The following SLC35F1 variants were observed in gnomAD, a reference collection of about 807,000 sequenced individuals.
SLC35F1 encodes the protein chromosome 6 open reading frame 169.
Under a neutral mutation model 48.7 loss-of-function variants are expected in SLC35F1, and 14 were observed. The ratio of observed to expected loss-of-function variants is 0.29; its 90% CI spans 0.19 to 0.45. The LOEUF (loss-of-function observed/expected upper bound fraction) is 0.45, where lower values mean the gene tolerates loss of function less well. Among genes scored for constraint, SLC35F1 ranks in the 20% least tolerant of loss-of-function variants. The pLI is 1.00. For missense variants in SLC35F1, 404 were observed against 500.0 expected, an observed-to-expected ratio of 0.81 and a Z score of 1.83; for synonymous variants, 190 against 202.2, an observed-to-expected ratio of 0.94 and a Z score of 0.51.
chr6:117,938,566 G>T (rs910298786), intron 1 of SLC35F1, among the ~76,000 whole-genome samples: 2 of 152,208 alleles, frequency 1.3e-5, no homozygotes, highest in African/African-American at 4.8e-5. Flanking sequence ...AGGAGGGGCG[G>T]ATTCCTGCTG....
intron 4 of SLC35F1, among the ~76,000 whole-genome samples, chr6:118,268,630 G>GTTTTT (rs1319585468): frequency 1.6e-4 from 13 of 80,280 alleles, no homozygotes; most frequent in Admixed American, 3.7e-4. Context: ...TTTTTTTTGA[G>GTTTTT]ACAGAGTCCC....
At chr6:117,932,163 C>T (rs532751421) in intron 1 of SLC35F1, among the ~76,000 whole-genome samples, 411 of 152,282 alleles carry the variant, frequency 2.7e-3, no homozygotes, top group Non-Finnish European at 3.8e-3. Context: ...AATGCACCAT[C>T]TTGGAAGCAG....
chr6:117,961,140 A>G (rs892685599), intron 1 of SLC35F1, among the ~76,000 whole-genome samples: 1 of 152,090 alleles, frequency 6.6e-6, no homozygotes, highest in African/African-American at 2.4e-5. Flanking sequence ...CTTTTTTTCT[A>G]TCCTCAGTAC....
intron 2 of SLC35F1, among the ~76,000 whole-genome samples, chr6:118,233,257 G>T (rs912367740): frequency 6.6e-6 from 1 of 152,208 alleles, no homozygotes; most frequent in Non-Finnish European, 1.5e-5. Flanking sequence ...GAGCCACCGC[G>T]CCCAGCCAGG....
At chr6:118,168,713 T>A (rs1774355707) in intron 2 of SLC35F1, among the ~76,000 whole-genome samples, 1 of 152,212 alleles carries the variant, frequency 6.6e-6, no homozygotes, top group Admixed American at 6.5e-5. Context: ...CTCTATGTAA[T>A]GGCAAACTGG....
rs534002996 is a variant in SLC35F1, at chr6:118,031,192, C to G, written c.174-123253C>G. On this transcript the variant is annotated intron_variant, in intron 1 of 7. Coordinates refer to ENST00000360388, the MANE Select transcript of SLC35F1 (RefSeq NM_001029858.4). ...AGATGTGATTTGGAATGGACCTGTT[C>G]ACTCTTAGTATTTTTTTTAAAGCCT... 3.1e-4 allele frequency among the ~76,000 whole-genome samples: 47 copies of G among 152,238 alleles called. 2 individuals carry two copies. The South Asian group carries it at 8.1e-3, about 26-fold the overall frequency.
At chr6:118,134,558 C>T (rs1044809969) in intron 1 of SLC35F1, among the ~76,000 whole-genome samples, 5 of 152,166 alleles carry the variant, frequency 3.3e-5, no homozygotes, top group African/African-American at 7.2e-5. Context: ...AATAGGCAAG[C>T]GTTTAATAAA....
chr6:117,953,711 G>A (rs538222826), intron 1 of SLC35F1, among the ~76,000 whole-genome samples: 164 of 152,206 alleles, frequency 1.1e-3, no homozygotes, highest in Non-Finnish European at 2.1e-3. Context: ...TCTTATAAGT[G>A]AATGTTCCAG....
intron 1 of SLC35F1, among the ~76,000 whole-genome samples, chr6:117,930,204 A>G (rs1776082535): frequency 6.6e-6 from 1 of 152,172 alleles, no homozygotes; most frequent in Admixed American, 6.6e-5. Flanking sequence ...TTATTGTCTT[A>G]TGTCCTCAGG....
At chr6:118,228,063 G>A (rs1775240811) in intron 2 of SLC35F1, among the ~76,000 whole-genome samples, 1 of 152,122 alleles carries the variant, frequency 6.6e-6, no homozygotes, top group Admixed American at 6.5e-5. Context: ...CTAAACTCAG[G>A]TCCGTTTGTT....
At chr6:117,945,730 A>G (rs929204800) in intron 1 of SLC35F1, among the ~76,000 whole-genome samples, 2 of 152,146 alleles carry the variant, frequency 1.3e-5, no homozygotes, top group African/African-American at 2.4e-5. Flanking sequence ...TGGAGTTGCC[A>G]TGTGTCTTCA....
intron 1 of SLC35F1, among the ~76,000 whole-genome samples, chr6:117,961,494 C>G (rs1039842553): frequency 2.0e-5 from 3 of 152,102 alleles, no homozygotes; most frequent in African/African-American, 7.2e-5. Flanking sequence ...GTTGCTTCGT[C>G]GGGTCTAGAA....
At chr6:117,953,398 C>T (rs931507695) in intron 1 of SLC35F1, among the ~76,000 whole-genome samples, 6 of 151,704 alleles carry the variant, frequency 4.0e-5, no homozygotes, top group East Asian at 1.9e-4. Flanking sequence ...ACATATATAT[C>T]GACATGTATT....
At chr6:118,313,736 A>T (rs1173427883) in intron 7 of SLC35F1, among the ~76,000 whole-genome samples, 1 of 152,160 alleles carries the variant, frequency 6.6e-6, no homozygotes, top group Non-Finnish European at 1.5e-5. Context: ...GATGCATTTT[A>T]ATTTGTGCTT....
chr6:117,975,200 A>G (rs1049099796), intron 1 of SLC35F1, among the ~76,000 whole-genome samples: 4 of 152,360 alleles, frequency 2.6e-5, no homozygotes, highest in Non-Finnish European at 4.4e-5. Flanking sequence ...TGATTTTCCA[A>G]TGTCATTCAC....
rs150367217 is a variant in SLC35F1 at position 118,279,785 on chromosome 6, T to C, written c.847+2239T>C. 1.9e-3 allele frequency among the ~76,000 whole-genome samples: 288 copies of C among 152,292 alleles called. 2 individuals carry two copies. The highest frequency in any genetic ancestry group is 0.018 in the Admixed American group (272 of 15,294). On this transcript the variant is annotated intron_variant, in intron 6 of 7. Coordinates refer to ENST00000360388, the MANE Select transcript of SLC35F1 (RefSeq NM_001029858.4). The stretch of plus-strand genomic sequence containing the variant: ...ATGTCCTGATGGAAAGCTCACATTC[T>C]TCTGTTTAGGAGACCAGAATCCAAT...
chr6:118,174,726 A>G (rs1774460967), intron 2 of SLC35F1, among the ~76,000 whole-genome samples: 1 of 152,174 alleles, frequency 6.6e-6, no homozygotes, highest in African/African-American at 2.4e-5. Flanking sequence ...AAACTATGCA[A>G]AGAAAATCAC....
intron 1 of SLC35F1, among the ~76,000 whole-genome samples, chr6:118,092,615 T>C (rs1163128492): frequency 1.3e-5 from 2 of 152,186 alleles, no homozygotes; most frequent in African/African-American, 4.8e-5. Context: ...TGCCAGCCCA[T>C]GAAAGTAGCA....
At chr6:117,909,335 AT>A (rs1775735540) in intron 1 of SLC35F1, among the ~76,000 whole-genome samples, 1 of 152,104 alleles carries the variant, frequency 6.6e-6, no homozygotes. Flanking sequence ...GGCTGTTTAA[AT>A]TTTTAATCAC....
Sources: gnomAD v4.1 joint callset for allele counts (sites outside exome capture counted in the v4.1 genomes callset) on GRCh38, gnomAD v4.1.1 for gene constraint, MANE v1.5 for transcripts, NCBI Gene and HGNC (gene_info 2026-07-23, HGNC 2026-07-21) for gene names.